Variants in OXR1 observed in about 807,000 individuals in gnomAD.
The protein encoded by OXR1 is oxidation resistance 1.
A neutral mutation model predicts 104.6 loss-of-function variants in OXR1; 41 were observed. That is an observed-to-expected ratio of 0.39 (90% CI 0.31 to 0.51). OXR1 has a LOEUF of 0.51. Among genes scored for constraint, OXR1 ranks in the 20% least tolerant of loss-of-function variants. The pLI, the probability that OXR1 is intolerant of heterozygous loss-of-function variation, is 0.77. For synonymous variants in OXR1, 348 were observed against 348.4 expected (o/e 1.00, Z 0.01); for missense variants, 955 against 1,031.9 (o/e 0.93, Z 1.02).
At chr8:106,310,975 A>G (rs1372883192) in intron 1 of OXR1, among the ~76,000 whole-genome samples, 1 of 151,786 alleles carries the variant, frequency 6.6e-6, no homozygotes, top group Middle Eastern at 3.2e-3. Flanking sequence ...CTTCAGTTCT[A>G]GTGTATTTTC....
intron 2 of OXR1, among the ~76,000 whole-genome samples, chr8:106,364,803 A>G (rs1458678424): frequency 1.3e-5 from 2 of 152,180 alleles, no homozygotes; most frequent in African/African-American, 2.4e-5. Context: ...AAAATTCTGG[A>G]GAGACAGAAG....
At chr8:106,403,367 C>A (rs1395940477) in intron 2 of OXR1, among the ~76,000 whole-genome samples, 2 of 152,242 alleles carry the variant, frequency 1.3e-5, no homozygotes, top group African/African-American at 2.4e-5. Flanking sequence ...TTGAGTGCTG[C>A]CACTTGGCCT....
intron 10 of OXR1, 70 bp downstream of exon 10, chr8:106,710,860 A>C (rs1831616273): frequency 3.1e-6 from 3 of 955,968 alleles, no homozygotes; most frequent in Non-Finnish European, 4.4e-6. Context: ...TTGTGTGTCA[A>C]AATACCAATG....
chr8:106,370,270 GTTGC>G (rs1380105077), intron 2 of OXR1, among the ~76,000 whole-genome samples: 4 of 152,168 alleles, frequency 2.6e-5, no homozygotes, highest in Non-Finnish European at 4.4e-5. Flanking sequence ...CTGCGCTGAA[GTTGC>G]TTATCAGTTC....
intron 3 of OXR1, among the ~76,000 whole-genome samples, chr8:106,614,649 G>A (rs1412226762): frequency 2.0e-5 from 3 of 152,178 alleles, no homozygotes; most frequent in African/African-American, 7.2e-5. Context: ...ACTGACCAGT[G>A]ACTTGAGTCT....
rs114690691 is a variant in OXR1 at position 106,436,061 on chromosome 8, T to A, written c.23+76425T>A. 3.0e-3 allele frequency among the ~76,000 whole-genome samples: 462 copies of A among 152,254 alleles called. 4 individuals are homozygous for A. The highest frequency in any genetic ancestry group is 0.011 in the African/African-American group (443 of 41,552). ...CTTTCCAAGGAGAAATTTAAAATAA[T>A]CATCTCTTTTAGTCTAAAAACAAAA... On this transcript the variant is annotated intron_variant, in intron 2 of 16. Coordinates refer to ENST00000517566, the MANE Select transcript of OXR1 (RefSeq NM_001198533.2).
At chr8:106,288,726 A>G (rs1357176462) in intron 1 of OXR1, among the ~76,000 whole-genome samples, 3 of 147,668 alleles carry the variant, frequency 2.0e-5, no homozygotes, top group East Asian at 3.9e-4. Context: ...ATATTTATAT[A>G]TAAATATATA....
At chr8:106,382,790 G>A (rs942959521) in intron 2 of OXR1, among the ~76,000 whole-genome samples, 1 of 136,212 alleles carries the variant, frequency 7.3e-6, no homozygotes, top group African/African-American at 2.7e-5. Flanking sequence ...TCCAATAAAT[G>A]TTTATACCTT....
chr8:106,420,815 A>G (rs1332189702), intron 2 of OXR1, among the ~76,000 whole-genome samples: 1 of 151,806 alleles, frequency 6.6e-6, no homozygotes, highest in Non-Finnish European at 1.5e-5. Flanking sequence ...ATTGTTAAAG[A>G]TATTTAAAGT....
intron 1 of OXR1, among the ~76,000 whole-genome samples, chr8:106,313,568 CA>C (rs1179086490): frequency 1.3e-5 from 2 of 152,122 alleles, no homozygotes; most frequent in African/African-American, 4.8e-5. Context: ...ATAAGCACAG[CA>C]ATTCATTGCA....
intron 3 of OXR1, among the ~76,000 whole-genome samples, chr8:106,588,333 C>G (rs1040475548): frequency 1.3e-5 from 2 of 151,840 alleles, no homozygotes; most frequent in African/African-American, 4.8e-5. Flanking sequence ...TCAAAGGACT[C>G]CTAACCTATT....
intron 11 of OXR1, among the ~76,000 whole-genome samples, chr8:106,720,492 G>A (rs1468108169): frequency 6.6e-6 from 1 of 152,178 alleles, no homozygotes; most frequent in African/African-American, 2.4e-5. Flanking sequence ...TGTCATGCAA[G>A]TTATATGAAA....
chr8:106,493,985 A>G (rs1811263174), intron 2 of OXR1, among the ~76,000 whole-genome samples: 2 of 152,214 alleles, frequency 1.3e-5, no homozygotes, highest in South Asian at 4.1e-4. Context: ...CTTTATAAAA[A>G]GGAGATGATG....
chr8:106,464,620 C>T (rs1419452834), intron 2 of OXR1, among the ~76,000 whole-genome samples: 1 of 151,984 alleles, frequency 6.6e-6, no homozygotes, highest in Non-Finnish European at 1.5e-5. Flanking sequence ...TTGCTTGGCA[C>T]TAGTGCAGTA....
At chr8:106,603,825 G>A (rs1820149967) in intron 3 of OXR1, among the ~76,000 whole-genome samples, 1 of 152,146 alleles carries the variant, frequency 6.6e-6, no homozygotes, top group East Asian at 1.9e-4. Flanking sequence ...GGCTGAGGCG[G>A]GTGGATCACT....
In OXR1 at chr8:106,720,620, C is replaced by T. The variant is rs1055755931; in HGVS notation, c.1956+6635C>T. The T allele has an allele frequency of 9.5e-6, 4 of 419,260 alleles. No individual in the cohort carries two copies. The South Asian group carries it at 2.9e-4, about 31-fold the overall frequency. The allele number at this position is 419,260 out of a possible 1,614,324, so 26.0% of individuals were successfully genotyped here. A position where few individuals can be genotyped will look rare whatever the true frequency, so the allele number is the denominator to read the frequency against. On this transcript the variant is annotated intron_variant, in intron 11 of 16. Coordinates refer to ENST00000517566, the MANE Select transcript of OXR1 (RefSeq NM_001198533.2). ...GATTTTTAAGAAAACATATTTTCTC[C>T]TCAGTAACAGCCATGCAGATACAAT... is the stretch of plus-strand genomic sequence containing the variant.
chr8:106,281,474 A>G (rs1365031398), intron 1 of OXR1, among the ~76,000 whole-genome samples: 2 of 152,184 alleles, frequency 1.3e-5, no homozygotes, highest in Non-Finnish European at 2.9e-5. Flanking sequence ...GTTTCATGAA[A>G]ACGTTCGGAC....
chr8:106,663,404 A>G (rs1825961973), intron 3 of OXR1, among the ~76,000 whole-genome samples: 1 of 152,236 alleles, frequency 6.6e-6, no homozygotes, highest in South Asian at 2.1e-4. Context: ...GATAGAATGG[A>G]TTGTCATTGA....
intron 2 of OXR1, among the ~76,000 whole-genome samples, chr8:106,492,231 C>T (rs186226810): frequency 2.5e-4 from 38 of 152,314 alleles, no homozygotes; most frequent in African/African-American, 8.9e-4. Context: ...TTTCTGACTG[C>T]TATTTAACTC....
Sources: gnomAD v4.1 joint callset for allele counts (sites outside exome capture counted in the v4.1 genomes callset) on GRCh38, gnomAD v4.1.1 for gene constraint, MANE v1.5 for transcripts, NCBI Gene and HGNC (gene_info 2026-07-23, HGNC 2026-07-21) for gene names.